PTN: variants seen among roughly 807,000 people sequenced by gnomAD.
The protein encoded by PTN is pleiotrophin, also known as heparin affin regulatory protein.
A neutral mutation model predicts 24.1 loss-of-function variants in PTN; 18 were observed. The observed-to-expected ratio is 0.75, with a 90% CI of 0.52 to 1.11. The LOEUF (loss-of-function observed/expected upper bound fraction) is 1.11, where lower values mean the gene tolerates loss of function less well. Among genes scored for constraint, PTN ranks in the 50% least tolerant of loss-of-function variants. The probability of loss-of-function intolerance (pLI) is 0.00; values close to 1 mark genes in which losing one functional copy is unlikely to be tolerated. For synonymous variants in PTN, 78 were observed against 68.6 expected (o/e 1.14, Z -0.67); for missense variants, 163 against 198.8 (o/e 0.82, Z 1.08).
At position 137,275,642 on chromosome 7, in the gene PTN, C is replaced by CT. The variant is rs35822768; in HGVS notation, c.-1-20669dup. Among the ~76,000 whole-genome samples the CT allele has an allele frequency of 3.8e-3, 577 of 151,872 alleles. 14 individuals are homozygous for CT. In the East Asian group the frequency reaches 0.065, roughly 17 times the overall value. On this transcript the variant is annotated intron_variant, in intron 1 of 4. Transcript: ENST00000348225. ...CACTTCTCAACTTTTGGCAGTAAAT[C>CT]TTTTTTTAAAAAAAAAAATTGTATT...
intron 3 of PTN, 42 bp from the exon 4 acceptor site, chr7:137,251,433 C>T (rs776081772): frequency 1.3e-6 from 2 of 1,590,210 alleles, no homozygotes; most frequent in Admixed American, 1.7e-5. Context: ...TTGAAAGATC[C>T]TATCGTACTT....
At chr7:137,279,190 G>GA (rs1809424707) in intron 1 of PTN, among the ~76,000 whole-genome samples, 1 of 151,834 alleles carries the variant, frequency 6.6e-6, no homozygotes, top group Non-Finnish European at 1.5e-5. Flanking sequence ...CCAACAAATA[G>GA]AAAACTAAAG....
At chr7:137,240,491 C>T (rs762531601) in intron 4 of PTN, among the ~76,000 whole-genome samples, 93 of 152,288 alleles carry the variant, frequency 6.1e-4, no homozygotes, top group Middle Eastern at 6.8e-3. Context: ...AACTAGAGCA[C>T]ATAGCACTTG....
rs1386710597 is a variant in PTN, at chr7:137,319,175, C to T, written c.-2+24264G>A. ...GCTCTCAAAGTGTTTGTATTTGAAA[C>T]CCAAAGACCTTCTGCAGTTTACTTA... On this transcript the variant is annotated intron_variant, in intron 1 of 4. Transcript: ENST00000348225. Among the ~76,000 whole-genome samples, 3 of 152,156 alleles carry T rather than the reference C, an allele frequency of 2.0e-5. No homozygotes were observed. The East Asian group carries it at 5.8e-4, about 29-fold the overall frequency.
chr7:137,243,050 C>T (rs1321872523), intron 4 of PTN, among the ~76,000 whole-genome samples: 2 of 152,198 alleles, frequency 1.3e-5, no homozygotes, highest in African/African-American at 4.8e-5. Context: ...GATTCTCCTG[C>T]CTCAGCCTCC....
intron 1 of PTN, among the ~76,000 whole-genome samples, chr7:137,298,216 G>C (rs1400396356): frequency 1.3e-5 from 2 of 151,888 alleles, no homozygotes; most frequent in Non-Finnish European, 2.9e-5. Context: ...TCCAAATTTT[G>C]ATTAAATTTT....
intron 1 of PTN, among the ~76,000 whole-genome samples, chr7:137,278,306 C>CAAAAAAAAAAAAAAA (rs71176391): frequency 6.4e-5 from 4 of 62,850 alleles, no homozygotes; most frequent in Non-Finnish European, 1.1e-4. Context: ...GACTCCGTCT[C>CAAAAAAAAAAAAAAA]AAAAAAAAAA....
At chr7:137,284,616 T>G (rs1809525687) in intron 1 of PTN, among the ~76,000 whole-genome samples, 1 of 152,182 alleles carries the variant, frequency 6.6e-6, no homozygotes. Context: ...AGGAAATTAT[T>G]TGACAAATAC....
chr7:137,232,192 G>A (rs889818628), intron 4 of PTN, among the ~76,000 whole-genome samples: 1 of 151,930 alleles, frequency 6.6e-6, no homozygotes, highest in Non-Finnish European at 1.5e-5. Context: ...CTGCAAAGCA[G>A]AAATGGATAT....
chr7:137,239,371 C>A (rs1385745566), intron 4 of PTN, among the ~76,000 whole-genome samples: 2 of 129,896 alleles, frequency 1.5e-5, no homozygotes, highest in African/African-American at 6.8e-5. Flanking sequence ...ATGTAATTTT[C>A]TTTTTTATTT....
chr7:137,333,322 A>G (rs1177693918), intron 1 of PTN, among the ~76,000 whole-genome samples: 2 of 152,224 alleles, frequency 1.3e-5, no homozygotes, highest in Non-Finnish European at 2.9e-5. Flanking sequence ...TTCTTTACAC[A>G]GAACCCAGCC....
chr7:137,249,760 C>G (rs1369392196), intron 4 of PTN, among the ~76,000 whole-genome samples: 2 of 152,134 alleles, frequency 1.3e-5, no homozygotes, highest in Admixed American at 6.5e-5. Context: ...TGCAGTCACT[C>G]CAGCCCTGCT....
chr7:137,249,845 T>C (rs1274792594), intron 4 of PTN, among the ~76,000 whole-genome samples: 3 of 152,018 alleles, frequency 2.0e-5, no homozygotes, highest in Admixed American at 2.0e-4. Context: ...AACCCTAGAC[T>C]CACCACCTGC....
intron 1 of PTN, among the ~76,000 whole-genome samples, chr7:137,269,793 C>T (rs1311030947): frequency 1.4e-4 from 22 of 151,766 alleles, no homozygotes; most frequent in Non-Finnish European, 2.9e-4. Context: ...CTACCCTGCC[C>T]GGCTAATTTT....
At chr7:137,339,454 G>A (rs1384882239) in intron 1 of PTN, among the ~76,000 whole-genome samples, 1 of 151,332 alleles carries the variant, frequency 6.6e-6, no homozygotes, top group Non-Finnish European at 1.5e-5. Context: ...ACGATGTGAT[G>A]GACATGAGTA....
chr7:137,330,834 C>T (rs138848881), intron 1 of PTN, among the ~76,000 whole-genome samples: 3 of 152,172 alleles, frequency 2.0e-5, no homozygotes, highest in Non-Finnish European at 4.4e-5. Context: ...CACCTGGAGC[C>T]GAGGAGATGT....
At chr7:137,342,553 TCAC>T (rs1810552397) in intron 1 of PTN, among the ~76,000 whole-genome samples, 2 of 151,756 alleles carry the variant, frequency 1.3e-5, no homozygotes, top group Non-Finnish European at 2.9e-5. Flanking sequence ...GTGTGTTGTG[TCAC>T]ATTATGTCAT....
intron 4 of PTN, among the ~76,000 whole-genome samples, chr7:137,231,977 G>A (rs1207438885): frequency 6.6e-6 from 1 of 151,932 alleles, no homozygotes; most frequent in Non-Finnish European, 1.5e-5. Context: ...GCTATAATTA[G>A]TTAAAGCCAA....
chr7:137,232,686 T>C (rs1245146880), intron 4 of PTN, among the ~76,000 whole-genome samples: 3 of 151,908 alleles, frequency 2.0e-5, no homozygotes, highest in African/African-American at 7.3e-5. Flanking sequence ...AGACAGGCAG[T>C]GATATGGTTT....
Sources: allele counts gnomAD v4.1 joint callset (sites outside exome capture counted in the v4.1 genomes callset), GRCh38; gene constraint gnomAD v4.1.1; transcripts MANE v1.5; gene names NCBI Gene and HGNC (gene_info 2026-07-23, HGNC 2026-07-21).